Variants in TCERG1L observed in about 807,000 individuals in gnomAD.
The protein encoded by TCERG1L is transcription elongation regulator 1 like.
A neutral mutation model predicts 56.3 loss-of-function variants in TCERG1L; 37 were observed. The observed-to-expected ratio is 0.66, with a 90% CI of 0.51 to 0.87. The LOEUF is 0.87. TCERG1L is among the 40% of genes least tolerant of loss of function. TCERG1L has a pLI of 0.00. For missense variants in TCERG1L, 799 were observed against 774.2 expected (o/e 1.03, Z -0.38); for synonymous variants, 324 against 326.3 (o/e 0.99, Z 0.08).
intron 8 of TCERG1L, among the ~76,000 whole-genome samples, chr10:131,120,180 T>G (rs1262864546): frequency 6.6e-6 from 1 of 152,154 alleles, no homozygotes; most frequent in Non-Finnish European, 1.5e-5. Context: ...TGAGCTTGTG[T>G]GTGTGCGCAT....
intron 8 of TCERG1L, among the ~76,000 whole-genome samples, chr10:131,133,768 A>G (rs148140713): frequency 9.2e-5 from 14 of 152,302 alleles, no homozygotes; most frequent in East Asian, 3.9e-4. Context: ...TTGATGGAAA[A>G]CAGGGATTCC....
intron 4 of TCERG1L, among the ~76,000 whole-genome samples, chr10:131,241,399 A>G (rs925720284): frequency 2.6e-5 from 4 of 152,244 alleles, no homozygotes; most frequent in Non-Finnish European, 5.9e-5. Context: ...CAGGAGCTCC[A>G]GGAACTAAGT....
chr10:131,199,002 G>A (rs1845397406), intron 4 of TCERG1L, among the ~76,000 whole-genome samples: 1 of 152,186 alleles, frequency 6.6e-6, no homozygotes, highest in South Asian at 2.1e-4. Context: ...CAGAATGAGG[G>A]GAATGGAAAC....
At chr10:131,167,902 G>C (rs1454357117) in intron 4 of TCERG1L, among the ~76,000 whole-genome samples, 3 of 152,224 alleles carry the variant, frequency 2.0e-5, no homozygotes, top group Non-Finnish European at 4.4e-5. Context: ...GTTGAGCTCT[G>C]TTTTAATACC....
chr10:131,221,117 G>A (rs959411096), intron 4 of TCERG1L, among the ~76,000 whole-genome samples: 1 of 152,228 alleles, frequency 6.6e-6, no homozygotes, highest in Non-Finnish European at 1.5e-5. Flanking sequence ...CCCCACGCCT[G>A]CCCCCAAGGA....
intron 3 of TCERG1L, among the ~76,000 whole-genome samples, chr10:131,277,651 T>C (rs907198796): frequency 1.3e-5 from 2 of 152,140 alleles, no homozygotes; most frequent in African/African-American, 4.8e-5. Flanking sequence ...AACAGAAAGC[T>C]TGAGGGTGCA....
chr10:131,303,458 C>T (rs1025653193), intron 3 of TCERG1L, among the ~76,000 whole-genome samples: 1 of 152,052 alleles, frequency 6.6e-6, no homozygotes, highest in African/African-American at 2.4e-5. Context: ...CCTTCACCCA[C>T]TTTGTAATGG....
At chr10:131,122,829 G>A (rs755886630) in intron 8 of TCERG1L, among the ~76,000 whole-genome samples, 4 of 152,296 alleles carry the variant, frequency 2.6e-5, no homozygotes, top group African/African-American at 9.6e-5. Flanking sequence ...TCTTGGGGCT[G>A]AGCCCTTCCC....
intron 3 of TCERG1L, among the ~76,000 whole-genome samples, chr10:131,302,605 A>G (rs1846776180): frequency 1.4e-5 from 1 of 72,012 alleles, no homozygotes; most frequent in South Asian, 4.6e-4. Flanking sequence ...GGCCCTCCCA[A>G]TTCTTTTTTT....
At position 131,239,695 on chromosome 10, in the gene TCERG1L, ACCCACGATAGATTGC is replaced by A. The variant is rs576562634; in HGVS notation, c.856+20549_856+20563del. On this transcript the variant is annotated intron_variant, in intron 4 of 11. Transcript: ENST00000368642. ...CGTGAGGGCCTCAGATGCTGGCTAC[ACCCACGATAGATTGC>A]TTCCGGTGGTATGGAAATCTCGCCA... Among the ~76,000 whole-genome samples, 19 of 152,282 alleles carry A rather than the reference ACCCACGATAGATTGC, an allele frequency of 1.2e-4. No homozygotes were observed. In the South Asian group the frequency reaches 3.9e-3, roughly 32 times the overall value.
At chr10:131,214,823 G>C (rs1394285068) in intron 4 of TCERG1L, among the ~76,000 whole-genome samples, 1 of 152,200 alleles carries the variant, frequency 6.6e-6, no homozygotes, top group Non-Finnish European at 1.5e-5. Flanking sequence ...TTGACAGTGA[G>C]AGCCAGCAAA....
At chr10:131,285,780 G>C (rs927175712) in intron 3 of TCERG1L, among the ~76,000 whole-genome samples, 1 of 152,002 alleles carries the variant, frequency 6.6e-6, no homozygotes, top group Admixed American at 6.5e-5. Flanking sequence ...ATTAAAAAAA[G>C]AAAAATGTGG....
intron 7 of TCERG1L, among the ~76,000 whole-genome samples, chr10:131,135,974 G>T (rs1306841984): frequency 1.3e-5 from 2 of 152,200 alleles, no homozygotes; most frequent in Non-Finnish European, 2.9e-5. Flanking sequence ...GCTGACTCCG[G>T]AGCTGGACTG....
intron 4 of TCERG1L, among the ~76,000 whole-genome samples, chr10:131,200,474 A>G (rs907549608): frequency 6.6e-6 from 1 of 152,168 alleles, no homozygotes; most frequent in Non-Finnish European, 1.5e-5. Context: ...TATTGAAATT[A>G]CTTTGGATCA....
chr10:131,177,670 C>T (rs1168117517), intron 4 of TCERG1L, among the ~76,000 whole-genome samples: 1 of 152,146 alleles, frequency 6.6e-6, no homozygotes, highest in Non-Finnish European at 1.5e-5. Context: ...TGCTGGGACC[C>T]CCATCTGGAC....
At chr10:131,105,856 T>C (rs1341907363) in intron 9 of TCERG1L, among the ~76,000 whole-genome samples, 1 of 152,224 alleles carries the variant, frequency 6.6e-6, no homozygotes, top group Non-Finnish European at 1.5e-5. Context: ...TCAGCTTCTT[T>C]GAGGTTGGCC....
intron 4 of TCERG1L, among the ~76,000 whole-genome samples, chr10:131,231,513 T>A (rs1845852052): frequency 6.6e-6 from 1 of 152,138 alleles, no homozygotes; most frequent in Non-Finnish European, 1.5e-5. Flanking sequence ...GCAGAGCTTG[T>A]GGCTCTGCCG....
At position 131,107,617 on chromosome 10, in the gene TCERG1L, G is replaced by A. The variant is rs141883972; in HGVS notation, c.1396-3263C>T. ...CCCAAAGGGTCCTGACAGGTATGGG[G>A]ACGAGGAGTCCTATGAACTGCTCCT... On this transcript the variant is annotated intron_variant, in intron 9 of 11. Transcript: ENST00000368642. Among the ~76,000 whole-genome samples, 559 of 152,236 alleles carry A rather than the reference G, an allele frequency of 3.7e-3. 11 individuals are homozygous for A. Among genetic ancestry groups the A allele is most frequent in the East Asian group, 5.6e-3 (29 of 5,152 alleles).
intron 4 of TCERG1L, among the ~76,000 whole-genome samples, chr10:131,221,159 A>G (rs1845728011): frequency 6.6e-6 from 1 of 152,190 alleles, no homozygotes; most frequent in Non-Finnish European, 1.5e-5. Context: ...TGCAGGCCAC[A>G]GGGGCAGCCC....
Sources: allele counts gnomAD v4.1 joint callset (sites outside exome capture counted in the v4.1 genomes callset), GRCh38; gene constraint gnomAD v4.1.1; transcripts MANE v1.5; gene names NCBI Gene and HGNC (gene_info 2026-07-23, HGNC 2026-07-21).